PTPRQ: variants seen among roughly 807,000 people sequenced by gnomAD.
The protein encoded by PTPRQ is protein tyrosine phosphatase receptor type Q, also known as phosphatidylinositol phosphatase PTPRQ.
Under a neutral mutation model 246.0 loss-of-function variants are expected in PTPRQ, and 199 were observed. That is an observed-to-expected ratio of 0.81 (90% CI 0.72 to 0.91). PTPRQ has a LOEUF of 0.91. Ranked by LOEUF, PTPRQ falls within the 40% of genes least tolerant of loss-of-function variation. PTPRQ has a pLI of 0.00. For missense variants in PTPRQ, 2,624 were observed against 2,528.4 expected (o/e 1.04, Z -0.81); for synonymous variants, 869 against 853.2 (o/e 1.02, Z -0.32).
chr12:80,456,146 G>A (rs994744528), intron 3 of PTPRQ, among the ~76,000 whole-genome samples: 21 of 152,130 alleles, frequency 1.4e-4, no homozygotes, highest in African/African-American at 5.1e-4. Context: ...TAAAACCTGT[G>A]TAAATATGTG....
At chr12:80,514,402 A>ACACTCTCTCTCTCTCT (rs552667526) in intron 17 of PTPRQ, among the ~76,000 whole-genome samples, 2 of 112,980 alleles carry the variant, frequency 1.8e-5, no homozygotes, top group Admixed American at 1.0e-4. Flanking sequence ...ACACACACAC[A>ACACTCTCTCTCTCTCT]CTCTCTCTCT....
At chr12:80,562,027 G>T (rs1391305173) in intron 25 of PTPRQ, among the ~76,000 whole-genome samples, 3 of 151,980 alleles carry the variant, frequency 2.0e-5, no homozygotes, top group African/African-American at 7.3e-5. Context: ...TTGATTGATA[G>T]TATTCTTGCA....
rs187970138 is a variant in PTPRQ at position 80,559,573 on chromosome 12, G to A, written c.4285+9839G>A. 2.6e-5 allele frequency among the ~76,000 whole-genome samples: 4 copies of A among 152,036 alleles called. No homozygotes were observed. The East Asian group carries it at 5.8e-4, about 22-fold the overall frequency. On this transcript the variant is annotated intron_variant, in intron 25 of 44. Coordinates refer to ENST00000644991, the MANE Select transcript of PTPRQ (RefSeq NM_001145026.2). ...CTTGTTAATACTGTATACTGAAAAC[G>A]TACAAAGAATAATGTTCCAATTTAA...
chr12:80,620,669 GA>G (rs1456576643), intron 32 of PTPRQ, among the ~76,000 whole-genome samples: 1 of 151,740 alleles, frequency 6.6e-6, no homozygotes. Context: ...GTATATAGGA[GA>G]ATTTAATTCT....
rs1894511288 is a variant in PTPRQ at position 80,493,377 on chromosome 12, G to C, written c.1462G>C (p.Ala488Pro). 6.5e-7 allele frequency: 1 copy of C among 1,549,992 alleles called. No homozygotes were observed. The highest frequency in any genetic ancestry group is 2.0e-5 in the Admixed American group (1 of 50,894). ...AEMSSDLHSLATFIYNSHPDK... is the reference protein window; with the variant it reads ...AEMSSDLHSLPTFIYNSHPDK... ...GATGTCGTCTGACCTTCACTCACTT[G>C]CTACATTTATATATAACAGCCATCC... is the stretch of plus-strand genomic sequence containing the variant. The change falls in exon 10 of 45, where the codon GCT (alanine) becomes CCT (proline). Residue 488 changes from alanine (A) to proline (P), a missense_variant. Coordinates refer to ENST00000644991, the MANE Select transcript of PTPRQ (RefSeq NM_001145026.2).
chr12:80,611,301 T>G (rs187998237), intron 28 of PTPRQ, among the ~76,000 whole-genome samples: 1 of 150,390 alleles, frequency 6.6e-6, no homozygotes, highest in Non-Finnish European at 1.5e-5. Context: ...CCACCAGATA[T>G]ATCATTGGAA....
chr12:80,645,788 G>A (rs1900051712), intron 35 of PTPRQ, among the ~76,000 whole-genome samples: 1 of 151,978 alleles, frequency 6.6e-6, no homozygotes, highest in Non-Finnish European at 1.5e-5. Flanking sequence ...AAGAATGCCT[G>A]GAATGGTATA....
At chr12:80,471,119 T>G (rs551242407) in intron 7 of PTPRQ, among the ~76,000 whole-genome samples, 1 of 152,118 alleles carries the variant, frequency 6.6e-6, no homozygotes, top group African/African-American at 2.4e-5. Context: ...CTAGTGGATT[T>G]CACTGGTGAT....
intron 43 of PTPRQ, among the ~76,000 whole-genome samples, chr12:80,676,283 A>G (rs971274071): frequency 4.6e-5 from 7 of 152,154 alleles, no homozygotes; most frequent in African/African-American, 1.2e-4. Flanking sequence ...ATATACTGCC[A>G]CTAAAAGGCA....
At position 80,514,373 on chromosome 12, in the gene PTPRQ, T is replaced by TACACACACACACACAC. The variant is rs372647668; in HGVS notation, c.2678+3945_2678+3960dup. Among the ~76,000 whole-genome samples, 64 of 112,170 alleles carry TACACACACACACACAC rather than the reference T, an allele frequency of 5.7e-4. 2 individuals carry two copies. Among genetic ancestry groups the TACACACACACACACAC allele is most frequent in the African/African-American group, 1.8e-3 (55 of 30,796 alleles). 73.6% of individuals were successfully genotyped at this position (112,170 alleles called of 152,430 possible). A position where few individuals can be genotyped will look rare whatever the true frequency, so the allele number is the denominator to read the frequency against. Reference sequence around the variant, plus strand: ...CCCTCAGTAAAACTTGGCTTTATTTTACACACACACACACACACACACACA... The same window carrying TACACACACACACACAC: ...CCCTCAGTAAAACTTGGCTTTATTTTACACACACACACACACACACACACACACACACACACACACA... On this transcript the variant is annotated intron_variant, in intron 17 of 44. Transcript: ENST00000644991.
rs2121018759 is a variant in PTPRQ, at chr12:80,588,341, A to G, written c.4498A>G (p.Thr1500Ala). The change falls in exon 26 of 45, where the codon ACA (threonine) becomes GCA (alanine). Residue 1500 changes from threonine (T) to alanine (A), a missense_variant. Coordinates refer to ENST00000644991, the MANE Select transcript of PTPRQ (RefSeq NM_001145026.2). ...CTATGAAGCTCACTTAACTGAAGAG[A>G]CAGTATATGGATTAAAGAAATTTAG... ...YLYEAHLTEE[T>A]VYGLKKFRWY... 1 of 1,551,356 alleles carries G rather than the reference A, an allele frequency of 6.4e-7. No homozygotes were observed. Among genetic ancestry groups the G allele is most frequent in the African/African-American group, 1.4e-5 (1 of 73,140 alleles).
chr12:80,537,732 T>G (rs1376504784), intron 19 of PTPRQ, among the ~76,000 whole-genome samples: 1 of 152,340 alleles, frequency 6.6e-6, no homozygotes, highest in Admixed American at 6.5e-5. Flanking sequence ...TTGTATTTTG[T>G]ACAGCATATT....
intron 31 of PTPRQ, 45 bp from the exon 32 acceptor site, chr12:80,620,109 T>G: frequency 6.7e-7 from 1 of 1,498,738 alleles, no homozygotes; most frequent in Non-Finnish European, 8.9e-7. Flanking sequence ...AAAAATATAT[T>G]CATATGTTAC....
At chr12:80,456,528 C>T (rs11837911) in intron 3 of PTPRQ, among the ~76,000 whole-genome samples, 44,413 of 151,964 alleles carry the variant, frequency 0.29, 6,858 homozygotes, top group African/African-American at 0.36. Flanking sequence ...TTTTAATGTG[C>T]TGTAAGAAAC....
chr12:80,537,328 T>G (rs567596729), intron 19 of PTPRQ, among the ~76,000 whole-genome samples: 1 of 152,302 alleles, frequency 6.6e-6, no homozygotes, highest in East Asian at 1.9e-4. Flanking sequence ...TTTTTATTTG[T>G]TCCTTATCAT....
chr12:80,639,037 A>T (rs1396411966), intron 35 of PTPRQ, among the ~76,000 whole-genome samples: 3 of 152,216 alleles, frequency 2.0e-5, no homozygotes, highest in Non-Finnish European at 4.4e-5. Context: ...CACTGAAGTT[A>T]GAAAGGTTTC....
intron 25 of PTPRQ, among the ~76,000 whole-genome samples, chr12:80,556,817 T>C (rs1261776490): frequency 1.3e-5 from 2 of 151,860 alleles, no homozygotes; most frequent in South Asian, 2.1e-4. Flanking sequence ...AGAAAACACA[T>C]AGTGGAGAAA....
At chr12:80,555,734 A>G (rs1896625942) in intron 25 of PTPRQ, among the ~76,000 whole-genome samples, 1 of 152,178 alleles carries the variant, frequency 6.6e-6, no homozygotes, top group African/African-American at 2.4e-5. Context: ...TTTATACAGT[A>G]TCTTTTATAT....
chr12:80,523,337 T>C (rs1484277153), intron 17 of PTPRQ, among the ~76,000 whole-genome samples: 1 of 152,196 alleles, frequency 6.6e-6, no homozygotes, highest in Non-Finnish European at 1.5e-5. Context: ...TTGATTTTTT[T>C]GAAGGGTTTT....
Sources: gnomAD v4.1 joint callset for allele counts (sites outside exome capture counted in the v4.1 genomes callset) on GRCh38, gnomAD v4.1.1 for gene constraint, MANE v1.5 for transcripts, NCBI Gene and HGNC (gene_info 2026-07-23, HGNC 2026-07-21) for gene names.